ZBTB20: variants seen among roughly 807,000 people sequenced by gnomAD.
The protein encoded by ZBTB20 is zinc finger and BTB domain containing 20.
ZBTB20 carries 9 observed loss-of-function variants against 56.9 expected under a neutral mutation model. The observed-to-expected ratio is 0.16, with a 90% CI of 0.10 to 0.28. ZBTB20 has a LOEUF of 0.28. Among genes scored for constraint, ZBTB20 ranks in the 10% least tolerant of loss-of-function variants. ZBTB20 has a pLI of 1.00. For synonymous variants in ZBTB20, 417 were observed against 420.7 expected (o/e 0.99, Z 0.11); for missense variants, 655 against 1,003.0 (o/e 0.65, Z 4.69).
intron 7 of ZBTB20, among the ~76,000 whole-genome samples, chr3:114,469,076 G>A (rs1030184951): frequency 1.3e-5 from 2 of 149,282 alleles, no homozygotes; most frequent in African/African-American, 4.9e-5. Context: ...AACCTTAAAG[G>A]TTGGCTCAAA....
At chr3:114,677,008 C>T (rs964133246) in intron 6 of ZBTB20, among the ~76,000 whole-genome samples, 1 of 151,972 alleles carries the variant, frequency 6.6e-6, no homozygotes, top group Admixed American at 6.6e-5. Flanking sequence ...CTCCTGACCT[C>T]GTGATGCCTG....
chr3:114,972,386 G>A (rs1200103723), intron 3 of ZBTB20, among the ~76,000 whole-genome samples: 1 of 152,118 alleles, frequency 6.6e-6, no homozygotes, highest in Non-Finnish European at 1.5e-5. Flanking sequence ...AATCCTGCAT[G>A]TACCATTGGT....
chr3:114,346,788 T>A (rs1659416698), intron 11 of ZBTB20, among the ~76,000 whole-genome samples: 1 of 151,548 alleles, frequency 6.6e-6, no homozygotes, highest in African/African-American at 2.4e-5. Context: ...TGGGCTCAAG[T>A]GATCTTCCCA....
intron 5 of ZBTB20, among the ~76,000 whole-genome samples, chr3:114,695,281 G>T (rs1335634728): frequency 6.6e-6 from 1 of 151,622 alleles, no homozygotes; most frequent in African/African-American, 2.4e-5. Context: ...GAAAGCTTAG[G>T]CCTGCCACCT....
intron 1 of ZBTB20, among the ~76,000 whole-genome samples, chr3:115,134,256 G>A (rs940417722): frequency 6.6e-6 from 1 of 152,008 alleles, no homozygotes; most frequent in Non-Finnish European, 1.5e-5. Flanking sequence ...AAAGATATCT[G>A]GGAATGTTTT....
At chr3:114,788,705 A>G (rs1471910177) in intron 5 of ZBTB20, among the ~76,000 whole-genome samples, 3 of 152,174 alleles carry the variant, frequency 2.0e-5, no homozygotes, top group Non-Finnish European at 4.4e-5. Flanking sequence ...CATTTACAAT[A>G]GTTAGGTTTA....
At chr3:114,517,404 G>C (rs1430253870) in intron 6 of ZBTB20, among the ~76,000 whole-genome samples, 1 of 152,088 alleles carries the variant, frequency 6.6e-6, no homozygotes, top group Non-Finnish European at 1.5e-5. Context: ...ACTGAACAAA[G>C]CTTGGAACTA....
intron 3 of ZBTB20, among the ~76,000 whole-genome samples, chr3:114,959,770 T>C (rs2077381675): frequency 6.6e-6 from 1 of 150,780 alleles, no homozygotes; most frequent in Non-Finnish European, 1.5e-5. Flanking sequence ...CTCTCATGCC[T>C]CAAATATATT....
chr3:115,047,766 G>A (rs1240930084), intron 2 of ZBTB20, among the ~76,000 whole-genome samples: 1 of 152,122 alleles, frequency 6.6e-6, no homozygotes, highest in Non-Finnish European at 1.5e-5. Context: ...CTAATTGGTG[G>A]TGAACAGCTT....
intron 4 of ZBTB20, among the ~76,000 whole-genome samples, chr3:114,840,898 A>G (rs1022411699): frequency 6.6e-6 from 1 of 152,164 alleles, no homozygotes; most frequent in Non-Finnish European, 1.5e-5. Context: ...AATTTTCAAG[A>G]ACCGATCTTT....
chr3:115,076,705 T>C (rs551100058), intron 1 of ZBTB20, among the ~76,000 whole-genome samples: 1 of 152,252 alleles, frequency 6.6e-6, no homozygotes, highest in Admixed American at 6.5e-5. Flanking sequence ...AGACTATACA[T>C]CTTGACTGCA....
intron 2 of ZBTB20, among the ~76,000 whole-genome samples, chr3:114,988,684 C>T (rs1235945194): frequency 6.6e-6 from 1 of 152,124 alleles, no homozygotes; most frequent in African/African-American, 2.4e-5. Context: ...AGACTGTCTT[C>T]CACAATGGTT....
intron 5 of ZBTB20, among the ~76,000 whole-genome samples, chr3:114,775,327 T>C (rs1018656061): frequency 6.6e-6 from 1 of 152,144 alleles, no homozygotes; most frequent in African/African-American, 2.4e-5. Context: ...TTAAACATAT[T>C]TTATCTTATA....
chr3:115,106,591 C>T (rs1014095709), intron 1 of ZBTB20, among the ~76,000 whole-genome samples: 2 of 152,052 alleles, frequency 1.3e-5, no homozygotes, highest in Non-Finnish European at 2.9e-5. Context: ...CCATCGGGCC[C>T]AAGGACAATA....
At chr3:114,486,025 T>A (rs1339365942) in intron 7 of ZBTB20, among the ~76,000 whole-genome samples, 1 of 150,936 alleles carries the variant, frequency 6.6e-6, no homozygotes, top group Admixed American at 6.7e-5. Flanking sequence ...GAATCCAACA[T>A]CAAAATGTTT....
At chr3:115,129,574 G>C (rs1317066868) in intron 1 of ZBTB20, among the ~76,000 whole-genome samples, 5 of 152,194 alleles carry the variant, frequency 3.3e-5, no homozygotes, top group Non-Finnish European at 7.4e-5. Context: ...ATTTATGCTA[G>C]AGTCACTTTT....
At chr3:114,862,470 G>T (rs931556832) in intron 4 of ZBTB20, among the ~76,000 whole-genome samples, 3 of 151,832 alleles carry the variant, frequency 2.0e-5, no homozygotes, top group Non-Finnish European at 4.4e-5. Flanking sequence ...TCACCTGATA[G>T]CTCAGTTCAA....
intron 6 of ZBTB20, among the ~76,000 whole-genome samples, chr3:114,665,568 G>T (rs1420734937): frequency 1.3e-5 from 2 of 151,954 alleles, no homozygotes; most frequent in African/African-American, 4.8e-5. Flanking sequence ...GTAAAGTAAT[G>T]AAAATAAGGT....
intron 5 of ZBTB20, among the ~76,000 whole-genome samples, chr3:114,705,818 T>C (rs1271305404): frequency 6.6e-6 from 1 of 152,158 alleles, no homozygotes; most frequent in Non-Finnish European, 1.5e-5. Context: ...TGTGGATTTG[T>C]GAAACTCCCT....
Sources: gnomAD v4.1 joint callset for allele counts (sites outside exome capture counted in the v4.1 genomes callset) on GRCh38, gnomAD v4.1.1 for gene constraint, MANE v1.5 for transcripts, NCBI Gene and HGNC (gene_info 2026-07-23, HGNC 2026-07-21) for gene names.